The following LRBA variants were observed in gnomAD, a reference collection of about 807,000 sequenced individuals.
The protein encoded by LRBA is lipopolysaccharide-responsive and beige-like anchor protein.
Under a neutral mutation model 330.0 loss-of-function variants are expected in LRBA, and 176 were observed. The observed-to-expected ratio is 0.53, with a 90% confidence interval of 0.47 to 0.60. The LOEUF (loss-of-function observed/expected upper bound fraction) is 0.60. LRBA is among the 20% of genes least tolerant of loss of function. LRBA has a pLI of 0.00. For missense variants in LRBA, 3,259 were observed against 3,444.8 expected, an observed-to-expected ratio of 0.95 and a Z score of 1.35; for synonymous variants, 1,230 against 1,193.0, an observed-to-expected ratio of 1.03 and a Z score of -0.64.
chr4:150,801,804 A>T (rs895561728), intron 33 of LRBA, among the ~76,000 whole-genome samples: 2 of 152,190 alleles, frequency 1.3e-5, no homozygotes, highest in African/African-American at 4.8e-5. Flanking sequence ...AACCATTGTA[A>T]TATCTAAGAT....
chr4:150,583,849 A>T lies in LRBA; in HGVS notation c.6330+4199T>A. 1 of 1,614,170 alleles carries T rather than the reference A, an allele frequency of 6.2e-7. No individual in the cohort carries two copies. Among genetic ancestry groups the T allele is most frequent in the African/African-American group, 1.3e-5 (1 of 75,058 alleles). ...CGGCCAGCCGCTCAACAACTACCAC[A>T]TGAAGACGCTGCTGCTGTACGAGTG... On this transcript the variant is annotated intron_variant, in intron 40 of 56. Transcript: ENST00000651943. The surrounding 1 kb of genome is among the most constrained non-coding windows in gnomAD (Gnocchi z 9.8).
chr4:150,559,617 GTAT>G (rs1385024674), intron 40 of LRBA, among the ~76,000 whole-genome samples: 5 of 93,774 alleles, frequency 5.3e-5, no homozygotes, highest in African/African-American at 8.4e-5. Context: ...TTTATATATT[GTAT>G]TATTTTATAA....
rs139428189 is a variant in LRBA, at chr4:150,868,229, A to G, written c.2526T>C (p.Phe842=). The G allele has an allele frequency of 3.5e-3, 5,607 of 1,612,782 alleles. 14 individuals are homozygous for G. Among genetic ancestry groups the G allele is most frequent in the Non-Finnish European group, 3.9e-3 (4,648 of 1,179,036 alleles). ...CPESMEVRRA[F]LSDMIKLFNN... ...TAAAAAGTTTAATCATGTCAGAAAG[A>G]AAGGCTCTGCGAACCTCCATGCTCT... The change falls in exon 21 of 57, where the codon TTT becomes TTC. Residue 842 remains phenylalanine (F), a synonymous_variant. Coordinates refer to ENST00000651943, the MANE Select transcript of LRBA (RefSeq NM_001364905.1).
At chr4:150,995,433 T>C (rs1742521897) in intron 2 of LRBA, among the ~76,000 whole-genome samples, 1 of 151,584 alleles carries the variant, frequency 6.6e-6, no homozygotes, top group Non-Finnish European at 1.5e-5. Context: ...AATAATCAGA[T>C]ATATAATATA....
Position 150,277,870 on chromosome 4 carries a change from C to T in LRBA, c.8451G>A (p.Ala2817=), listed in dbSNP as rs566917747. Residue 2817 remains alanine, a synonymous_variant, in exon 56 of 57, where the codon GCG becomes GCA. Transcript: ENST00000651943. ...AGTGTTACCTCTGGTCGTAAGACAGCGCCATGGCCCGGATTCCAGCGTCAC... is the reference window on the plus strand; with the variant it reads ...AGTGTTACCTCTGGTCGTAAGACAGTGCCATGGCCCGGATTCCAGCGTCAC... ...PGCDAGIRAM[A]LSYDQRCIIS... 1.2e-5 allele frequency: 20 copies of T among 1,614,060 alleles called. No homozygotes were observed. The highest frequency in any genetic ancestry group is 1.6e-4 in the Middle Eastern group (1 of 6,062).
At chr4:150,919,582 T>C (rs539340717) in intron 5 of LRBA, among the ~76,000 whole-genome samples, 51 of 152,214 alleles carry the variant, frequency 3.4e-4, no homozygotes, top group African/African-American at 1.2e-3. Flanking sequence ...AATGCAAAAA[T>C]GAACGTTGCA....
chr4:150,770,921 T>A (rs891385837), intron 34 of LRBA, among the ~76,000 whole-genome samples: 4 of 152,200 alleles, frequency 2.6e-5, no homozygotes, highest in African/African-American at 9.6e-5. Flanking sequence ...ATTCTAGACA[T>A]ACTCTTCCTT....
chr4:150,435,792 T>C (rs573900007), intron 45 of LRBA, 84 bp from the exon 46 acceptor site: 432 of 1,014,310 alleles, frequency 4.3e-4, no homozygotes, highest in Non-Finnish European at 5.8e-4. Context: ...CTAAATACTT[T>C]AATGACTAAT....
chr4:150,449,728 T>C (rs1222785502), intron 44 of LRBA, among the ~76,000 whole-genome samples: 1 of 152,126 alleles, frequency 6.6e-6, no homozygotes, highest in African/African-American at 2.4e-5. Context: ...TTGACTAGAT[T>C]GACTGAACTC....
In LRBA at chr4:150,513,569, C is replaced by G. The variant is rs534683710; in HGVS notation, c.6331-22534G>C. ...ACTGCAGACTAGGTGGCTTAAACAA[C>G]AGGTGTGATTTCTTGGAGTTCTGGA... On this transcript the variant is annotated intron_variant, in intron 40 of 56. Coordinates refer to ENST00000651943, the MANE Select transcript of LRBA (RefSeq NM_001364905.1). 7.2e-5 allele frequency among the ~76,000 whole-genome samples: 11 copies of G among 152,274 alleles called. No homozygotes were observed. The East Asian group carries it at 1.5e-3, about 21-fold the overall frequency.
chr4:150,812,074 A>C (rs185036622), intron 31 of LRBA, among the ~76,000 whole-genome samples: 1 of 152,294 alleles, frequency 6.6e-6, no homozygotes, highest in Admixed American at 6.5e-5. Context: ...GAATAAACTA[A>C]ATACACCAGT....
Position 150,905,924 on chromosome 4 carries a change from T to C in LRBA, c.1669A>G (p.Asn557Asp). The C allele has an allele frequency of 6.2e-7, 1 of 1,613,680 alleles. No individual in the cohort carries two copies. The highest frequency in any genetic ancestry group is 8.5e-7 in the Non-Finnish European group (1 of 1,179,652). ...LCLAFSKYLS[N>D]LQNGMPLLKQ... ...AGCAGGGGCATCCCATTCTGCAGAT[T>C]ACTCAGATATTTTGAAAATGCAAGG... The change falls in exon 13 of 57, where the codon AAT becomes GAT. Residue 557 changes from asparagine (N) to aspartate (D), a missense_variant. Coordinates refer to ENST00000651943, the MANE Select transcript of LRBA (RefSeq NM_001364905.1).
chr4:150,887,663 G>A (rs773655803), intron 17 of LRBA, among the ~76,000 whole-genome samples: 27 of 151,060 alleles, frequency 1.8e-4, no homozygotes, highest in Non-Finnish European at 3.2e-4. Context: ...CAGCTACTCA[G>A]GAGGCTGAGG....
chr4:150,646,468 T>A (rs989363256), intron 37 of LRBA, among the ~76,000 whole-genome samples: 2 of 151,800 alleles, frequency 1.3e-5, no homozygotes, highest in African/African-American at 4.8e-5. Context: ...AATTTGGGAG[T>A]CACTGGCCAA....
chr4:150,485,153 T>C, intron 42 of LRBA, among the ~76,000 whole-genome samples: 1 of 151,948 alleles, frequency 6.6e-6, no homozygotes, highest in East Asian at 1.9e-4. Context: ...GTTAATAATG[T>C]TCCAGTCTTC....
chr4:150,975,345 C>T (rs1328773650), intron 2 of LRBA, among the ~76,000 whole-genome samples: 1 of 151,944 alleles, frequency 6.6e-6, no homozygotes, highest in African/African-American at 2.4e-5. Context: ...GCCTGGCCAA[C>T]GTGGTGAAAC....
chr4:150,520,804 G>A (rs1762846020), intron 40 of LRBA, among the ~76,000 whole-genome samples: 1 of 152,100 alleles, frequency 6.6e-6, no homozygotes, highest in African/African-American at 2.4e-5. Flanking sequence ...GGGTAGGCGA[G>A]GGTACCTATG....
intron 17 of LRBA, among the ~76,000 whole-genome samples, chr4:150,880,852 A>G (rs984558386): frequency 5.3e-5 from 8 of 152,338 alleles, no homozygotes; most frequent in African/African-American, 1.9e-4. Flanking sequence ...CAAGCTAAAA[A>G]CAATCCCATT....
At chr4:150,829,612 G>C (rs900609322) in intron 29 of LRBA, among the ~76,000 whole-genome samples, 1 of 152,148 alleles carries the variant, frequency 6.6e-6, no homozygotes, top group Non-Finnish European at 1.5e-5. Flanking sequence ...TTCACTGACT[G>C]TTCCTTCTTA....
Sources: gnomAD v4.1 joint callset for allele counts (sites outside exome capture counted in the v4.1 genomes callset) on GRCh38, gnomAD v4.1.1 for gene constraint, Gnocchi (gnomAD v3.1) non-coding constraint, MANE v1.5 for transcripts, NCBI Gene and HGNC (gene_info 2026-07-23, HGNC 2026-07-21) for gene names.